SPIDR: variants seen among roughly 807,000 people sequenced by gnomAD.
The protein encoded by SPIDR is DNA repair-scaffolding protein.
In SPIDR, 93 loss-of-function variants were observed where a neutral mutation model predicts 104.6. The ratio of observed to expected loss-of-function variants is 0.89; its 90% confidence interval spans 0.75 to 1.06. SPIDR has a LOEUF of 1.06. SPIDR is among the 50% of genes least tolerant of loss of function. SPIDR has a pLI of 0.00. For missense variants in SPIDR, 1,154 were observed against 1,111.2 expected (o/e 1.04, Z -0.55); for synonymous variants, 431 against 416.9 (o/e 1.03, Z -0.41).
At chr8:47,261,092 G>A (rs536629647) in intron 1 of SPIDR, 101 bp downstream of exon 1, 2 of 1,188,482 alleles carry the variant, frequency 1.7e-6, no homozygotes, top group African/African-American at 3.2e-5. Flanking sequence ...GTGAGAGAGG[G>A]TGGGCGTTGG....
chr8:47,598,825 T>G (rs2061924073), intron 9 of SPIDR, 121 bp from the exon 10 acceptor site: 3 of 1,265,518 alleles, frequency 2.4e-6, no homozygotes, highest in Non-Finnish European at 1.1e-6. Context: ...TTCAGTGTAG[T>G]GCAGATCCAT....
chr8:47,709,495 C>T (rs1213911175), intron 14 of SPIDR, among the ~76,000 whole-genome samples: 1 of 152,142 alleles, frequency 6.6e-6, no homozygotes, highest in African/African-American at 2.4e-5. Flanking sequence ...AGGCTAGTCT[C>T]GAACTCCTGA....
At chr8:47,731,266 A>G (rs2085177845) in intron 19 of SPIDR, among the ~76,000 whole-genome samples, 2 of 152,000 alleles carry the variant, frequency 1.3e-5, no homozygotes. Flanking sequence ...AAAAAAAAAA[A>G]AAGGGCTTCT....
At position 47,375,233 on chromosome 8, in the gene SPIDR, CTTTTTTTTTTTT is replaced by C. The variant is rs869038432; in HGVS notation, c.526-21128_526-21117del. 2.2e-4 allele frequency among the ~76,000 whole-genome samples: 12 copies of C among 53,386 alleles called. 1 individual carries two copies. The highest frequency in any genetic ancestry group is 1.7e-3 in the Admixed American group (5 of 2,982). The allele number at this position is 53,386 out of a possible 152,430, so 35.0% of individuals were successfully genotyped here. On this transcript the variant is annotated intron_variant, in intron 5 of 19. Transcript: ENST00000297423. ...ATAGATTGAGTTAAGAGTTAATAGG[CTTTTTTTTTTTT>C]TTTTTTTTTTTTTTGAGCCAGAGTC...
chr8:47,685,489 A>ATTTTTTTT, intron 11 of SPIDR, among the ~76,000 whole-genome samples: 1 of 112,966 alleles, frequency 8.9e-6, no homozygotes, highest in Admixed American at 9.6e-5. Flanking sequence ...TTATTTATTT[A>ATTTTTTTT]TTTATTTATT....
intron 11 of SPIDR, among the ~76,000 whole-genome samples, chr8:47,683,179 T>C (rs1563531473): frequency 6.6e-6 from 1 of 152,258 alleles, no homozygotes; most frequent in Non-Finnish European, 1.5e-5. Context: ...AGACTATATT[T>C]ACCACTACTC....
At chr8:47,606,806 T>C (rs934260829) in intron 10 of SPIDR, among the ~76,000 whole-genome samples, 2 of 152,254 alleles carry the variant, frequency 1.3e-5, no homozygotes, top group African/African-American at 4.8e-5. Flanking sequence ...TCCCTGGTTG[T>C]GAACCGTTAC....
At position 47,646,641 on chromosome 8, in the gene SPIDR, T is replaced by C. The variant is rs185198864; in HGVS notation, c.1545-27160T>C. Reference sequence around the variant, plus strand: ...AGAAAAATCTATGACATTGGTTACATTGAAGGAATGGTGGGATGCTTGAAA... The same window carrying C: ...AGAAAAATCTATGACATTGGTTACACTGAAGGAATGGTGGGATGCTTGAAA... On this transcript the variant is annotated intron_variant, in intron 10 of 19. Coordinates refer to ENST00000297423, the MANE Select transcript of SPIDR (RefSeq NM_001080394.4). 6.6e-5 allele frequency among the ~76,000 whole-genome samples: 10 copies of C among 152,248 alleles called. No individual in the cohort carries two copies. In the East Asian group the frequency reaches 1.7e-3, roughly 26 times the overall value.
At chr8:47,342,233 C>T (rs1273077751) in intron 5 of SPIDR, among the ~76,000 whole-genome samples, 2 of 151,954 alleles carry the variant, frequency 1.3e-5, no homozygotes, top group Admixed American at 1.3e-4. Context: ...GCATGGGCTC[C>T]CCCATGCCGC....
intron 3 of SPIDR, among the ~76,000 whole-genome samples, 163 bp downstream of exon 3, chr8:47,284,257 TTGTC>T (rs1554561477): frequency 4.4e-4 from 67 of 152,296 alleles, no homozygotes; most frequent in Middle Eastern, 3.4e-3. Flanking sequence ...TTTGAGAACT[TTGTC>T]TGTCATCGCT....
intron 5 of SPIDR, chr8:47,360,850 CCTT>C (rs576575402): frequency 1.0e-6 from 1 of 985,420 alleles, no homozygotes; most frequent in East Asian, 1.1e-4. Context: ...GTGTTTTCAG[CCTT>C]CTTCTTGGAC....
At chr8:47,498,158 G>C (rs1402704049) in intron 8 of SPIDR, among the ~76,000 whole-genome samples, 3 of 152,152 alleles carry the variant, frequency 2.0e-5, no homozygotes, top group African/African-American at 7.2e-5. Flanking sequence ...TATAAGACTG[G>C]AGGACAGATG....
chr8:47,575,444 C>T (rs1030810870), intron 8 of SPIDR, among the ~76,000 whole-genome samples: 2 of 150,512 alleles, frequency 1.3e-5, no homozygotes, highest in Non-Finnish European at 3.0e-5. Flanking sequence ...GAGATCGAGA[C>T]CATCCTGGCT....
At chr8:47,542,585 G>T (rs1014905169) in intron 8 of SPIDR, among the ~76,000 whole-genome samples, 1 of 152,076 alleles carries the variant, frequency 6.6e-6, no homozygotes, top group African/African-American at 2.4e-5. Flanking sequence ...TATACACCTG[G>T]AGCTGATGAG....
At chr8:47,734,015 T>C (rs758906888) in intron 19 of SPIDR, among the ~76,000 whole-genome samples, 12 of 152,292 alleles carry the variant, frequency 7.9e-5, no homozygotes, top group Non-Finnish European at 1.5e-4. Context: ...AGCGTTCACA[T>C]CCCAGACTGA....
intron 12 of SPIDR, among the ~76,000 whole-genome samples, chr8:47,700,951 T>C (rs2080088329): frequency 1.3e-5 from 2 of 152,204 alleles, no homozygotes; most frequent in South Asian, 2.1e-4. Context: ...TGCTTGTTTA[T>C]GAGAGTGTCT....
intron 1 of SPIDR, among the ~76,000 whole-genome samples, chr8:47,267,747 T>G (rs2034394793): frequency 1.3e-5 from 2 of 152,212 alleles, no homozygotes; most frequent in East Asian, 3.8e-4. Context: ...TGTATACTGT[T>G]CCCCTATAAG....
intron 8 of SPIDR, among the ~76,000 whole-genome samples, chr8:47,444,856 T>C (rs1224305023): frequency 1.3e-5 from 2 of 152,244 alleles, no homozygotes; most frequent in African/African-American, 4.8e-5. Flanking sequence ...TAAAACACTT[T>C]CCATATTCTC....
chr8:47,565,100 G>T (rs2057613137), intron 8 of SPIDR, among the ~76,000 whole-genome samples: 1 of 152,166 alleles, frequency 6.6e-6, no homozygotes, highest in Admixed American at 6.5e-5. Context: ...TACAAAATTA[G>T]CTGGGTGTGG....
Sources: allele counts gnomAD v4.1 joint callset (sites outside exome capture counted in the v4.1 genomes callset), GRCh38; gene constraint gnomAD v4.1.1; transcripts MANE v1.5; gene names NCBI Gene and HGNC (gene_info 2026-07-23, HGNC 2026-07-21).